Variants in STRN observed in about 807,000 individuals in gnomAD.
STRN encodes protein phosphatase 2 regulatory subunit B'''alpha.
A neutral mutation model predicts 96.3 loss-of-function variants in STRN; 53 were observed. The ratio of observed to expected loss-of-function variants is 0.55; its 90% confidence interval spans 0.44 to 0.69. The LOEUF (loss-of-function observed/expected upper bound fraction) is 0.69. Among genes scored for constraint, STRN ranks in the 30% least tolerant of loss-of-function variants. The pLI is 0.00. For missense variants in STRN, 987 were observed against 963.9 expected (o/e 1.02, Z -0.32); for synonymous variants, 428 against 355.9 (o/e 1.20, Z -2.28).
Position 36,934,971 on chromosome 2 carries a change from G to A in STRN, c.235-9763C>T, listed in dbSNP as rs149133365. Among the ~76,000 whole-genome samples, 494 of 152,304 alleles carry A rather than the reference G, an allele frequency of 3.2e-3. 5 individuals are homozygous for A. Among genetic ancestry groups the A allele is most frequent in the Middle Eastern group, 0.031 (9 of 294 alleles). On this transcript the variant is annotated intron_variant, in intron 1 of 17. Coordinates refer to ENST00000263918, the MANE Select transcript of STRN (RefSeq NM_003162.4). ...CTCAAAACTGCAGCCCCAGCTACTC[G>A]GGAGGCTGAGGCACAAGAATCGCTT...
At chr2:36,872,141 T>G (rs1483599800) in intron 10 of STRN, among the ~76,000 whole-genome samples, 1 of 152,184 alleles carries the variant, frequency 6.6e-6, no homozygotes, top group East Asian at 1.9e-4. Flanking sequence ...CCTTATATAG[T>G]TTCCTCCCCC....
chr2:36,954,310 A>T (rs2148272442), intron 1 of STRN, among the ~76,000 whole-genome samples: 1 of 152,222 alleles, frequency 6.6e-6, no homozygotes, highest in African/African-American at 2.4e-5. Context: ...CAGGAGTTCA[A>T]GACCAGCCTG....
rs1558617173 is a variant in STRN at position 36,845,907 on chromosome 2, GCATGCATGCACACACACACACACACACA to G, written c.*3521_*3548del. ...TAAACACACACACACACACACACAC[GCATGCATGCACACACACACACACACACA>G]CACACACACACACACACTAACTCTC... On this transcript the variant is annotated 3_prime_UTR_variant, in exon 18 of 18. Transcript: ENST00000263918. 6.1e-4 allele frequency: 17 copies of G among 27,932 alleles called. No individual in the cohort carries two copies. The highest frequency in any genetic ancestry group is 1.1e-3 in the Non-Finnish European group (14 of 12,642). 1.7% of individuals were successfully genotyped at this position (27,932 alleles called of 1,614,324 possible).
intron 1 of STRN, among the ~76,000 whole-genome samples, chr2:36,950,509 AG>A (rs1664729793): frequency 6.6e-6 from 1 of 152,148 alleles, no homozygotes; most frequent in South Asian, 2.1e-4. Flanking sequence ...GTTTTTACTT[AG>A]GGAAAACTAA....
Position 36,883,869 on chromosome 2 carries a change from T to C in STRN, c.1186+63A>G, listed in dbSNP as rs754365816. ...TCTCTAATAGGAGAGGCCTTTCTAA[T>C]GAATGAATTTAAAGATATACATCCA... On this transcript the variant is annotated intron_variant, in intron 9 of 17. Coordinates refer to ENST00000263918, the MANE Select transcript of STRN (RefSeq NM_003162.4). The C allele has an allele frequency of 7.8e-5, 101 of 1,299,782 alleles. 1 individual carries two copies. The highest frequency in any genetic ancestry group is 9.5e-5 in the Non-Finnish European group (96 of 1,010,596). The allele number at this position is 1,299,782 out of a possible 1,614,324, so 80.5% of individuals were successfully genotyped here.
chr2:36,889,601 C>T (rs2148182606), intron 7 of STRN, among the ~76,000 whole-genome samples: 1 of 87,420 alleles, frequency 1.1e-5, no homozygotes, highest in South Asian at 4.2e-4. Context: ...TCAACCTAAG[C>T]ATATTCTTCT....
chr2:36,933,232 T>C (rs1317065601), intron 1 of STRN, among the ~76,000 whole-genome samples: 2 of 152,170 alleles, frequency 1.3e-5, no homozygotes, highest in Admixed American at 6.6e-5. Context: ...TTAAGTATTA[T>C]AAATAATCTA....
At chr2:36,863,111 C>T (rs557344311) in intron 12 of STRN, among the ~76,000 whole-genome samples, 1 of 152,250 alleles carries the variant, frequency 6.6e-6, no homozygotes, top group South Asian at 2.1e-4. Flanking sequence ...TATTTTCTCT[C>T]ATTCTGTGGG....
At chr2:36,879,685 A>G (rs552857513) in intron 9 of STRN, among the ~76,000 whole-genome samples, 46 of 152,342 alleles carry the variant, frequency 3.0e-4, no homozygotes, top group Non-Finnish European at 5.6e-4. Flanking sequence ...TTGTGAGTCA[A>G]TAAGATGAAT....
At chr2:36,851,165 G>C in intron 15 of STRN, 58 bp from the exon 16 acceptor site, 1 of 1,438,958 alleles carries the variant, frequency 6.9e-7, no homozygotes. Context: ...TTCACACAAA[G>C]GAGAACTGAA....
At chr2:36,934,904 C>A (rs879539827) in intron 1 of STRN, among the ~76,000 whole-genome samples, 1 of 152,054 alleles carries the variant, frequency 6.6e-6, no homozygotes, top group African/African-American at 2.4e-5. Context: ...ATGGTGAAAC[C>A]CCGTCTCTAC....
chr2:36,872,995 C>A (rs1044262053), intron 10 of STRN, among the ~76,000 whole-genome samples: 2 of 152,162 alleles, frequency 1.3e-5, no homozygotes, highest in African/African-American at 4.8e-5. Context: ...GCTGAGAAGC[C>A]GAGTAGTTTT....
chr2:36,962,138 G>A (rs574250678), intron 1 of STRN, among the ~76,000 whole-genome samples: 2 of 152,160 alleles, frequency 1.3e-5, no homozygotes, highest in East Asian at 1.9e-4. Context: ...TGTATCTCCG[G>A]TATCTAGAAC....
chr2:36,889,200 A>G (rs1669322251), intron 7 of STRN, among the ~76,000 whole-genome samples: 1 of 152,226 alleles, frequency 6.6e-6, no homozygotes, highest in Non-Finnish European at 1.5e-5. Context: ...TGTTGAATGA[A>G]TGATCCGAGT....
chr2:36,888,456 C>G (rs1481281301), intron 7 of STRN, among the ~76,000 whole-genome samples: 4 of 152,146 alleles, frequency 2.6e-5, no homozygotes, highest in Admixed American at 2.6e-4. Context: ...GCCACTCTGG[C>G]TCCCTTAAAT....
chr2:36,892,308 G>A (rs1041076004), intron 7 of STRN, among the ~76,000 whole-genome samples: 1 of 152,092 alleles, frequency 6.6e-6, no homozygotes, highest in African/African-American at 2.4e-5. Flanking sequence ...CAACTGATAC[G>A]TAAGGGTACT....
At chr2:36,853,361 T>A (rs539824038) in intron 15 of STRN, among the ~76,000 whole-genome samples, 1 of 152,110 alleles carries the variant, frequency 6.6e-6, no homozygotes, top group Non-Finnish European at 1.5e-5. Context: ...AAAAAAGAAA[T>A]ACTTTAAGTG....
intron 11 of STRN, among the ~76,000 whole-genome samples, chr2:36,868,510 G>T (rs555482198): frequency 1.3e-5 from 2 of 152,244 alleles, no homozygotes; most frequent in East Asian, 3.9e-4. Context: ...ATGGAAACTG[G>T]ATTTAAAGTC....
intron 1 of STRN, among the ~76,000 whole-genome samples, chr2:36,965,173 T>C (rs1665128646): frequency 6.6e-6 from 1 of 152,224 alleles, no homozygotes; most frequent in African/African-American, 2.4e-5. Flanking sequence ...GGTAGCATTT[T>C]AAACTCAAGT....
Sources: allele counts gnomAD v4.1 joint callset (sites outside exome capture counted in the v4.1 genomes callset), GRCh38; gene constraint gnomAD v4.1.1; transcripts MANE v1.5; gene names NCBI Gene and HGNC (gene_info 2026-07-23, HGNC 2026-07-21).